Variants in ERCC6L2 observed in about 807,000 individuals in gnomAD.
ERCC6L2 encodes the protein ERCC excision repair 6 like 2, also known as DNA excision repair protein ERCC-6-like 2.
In ERCC6L2, 77 loss-of-function variants were observed where a neutral mutation model predicts 132.0. The observed-to-expected ratio is 0.58, with a 90% CI of 0.49 to 0.71. The LOEUF is 0.71. Among genes scored for constraint, ERCC6L2 ranks in the 30% least tolerant of loss-of-function variants. The pLI is 0.00. For missense variants in ERCC6L2, 1,542 were observed against 1,837.6 expected (o/e 0.84, Z 2.94); for synonymous variants, 583 against 632.4 (o/e 0.92, Z 1.17).
At chr9:95,983,151 CAG>C (rs1252765422) in intron 17 of ERCC6L2, among the ~76,000 whole-genome samples, 1 of 152,168 alleles carries the variant, frequency 6.6e-6, no homozygotes, top group Non-Finnish European at 1.5e-5. Context: ...TAATAGTACT[CAG>C]AATATTTTAG....
intron 1 of ERCC6L2, among the ~76,000 whole-genome samples, chr9:95,878,889 C>G (rs1285780956): frequency 6.6e-6 from 1 of 151,930 alleles, no homozygotes; most frequent in Non-Finnish European, 1.5e-5. Context: ...GCCACATTTT[C>G]TTAATCCAGT....
chr9:95,916,085 C>A (rs1454087361), intron 5 of ERCC6L2, 142 bp from the exon 6 acceptor site: 52 of 849,522 alleles, frequency 6.1e-5, no homozygotes, highest in Non-Finnish European at 8.5e-5. Context: ...CTGAAACTGT[C>A]GTAAAGAAAG....
chr9:95,920,786 A>ATTTTTTTTTTTTTTTTTTTTTTTT (rs1474647284), intron 6 of ERCC6L2, among the ~76,000 whole-genome samples: 1 of 151,752 alleles, frequency 6.6e-6, no homozygotes, highest in Non-Finnish European at 1.5e-5. Context: ...AATTTTCACT[A>ATTTTTTTTTTTTTTTTTTTTTTTT]TTTTTTTTGA....
intron 17 of ERCC6L2, among the ~76,000 whole-genome samples, chr9:95,993,876 G>GT (rs558628026): frequency 6.0e-4 from 92 of 152,166 alleles, no homozygotes; most frequent in Non-Finnish European, 6.3e-4. Flanking sequence ...AAATGCTGTT[G>GT]TTTTTTTCAG....
chr9:95,999,489 G>T (rs1385238211), intron 17 of ERCC6L2, among the ~76,000 whole-genome samples: 7 of 152,190 alleles, frequency 4.6e-5, no homozygotes, highest in Admixed American at 3.9e-4. Flanking sequence ...TCCTAAAGAA[G>T]TTATAAAACC....
chr9:95,938,984 C>A (rs954990336), intron 11 of ERCC6L2, among the ~76,000 whole-genome samples: 1 of 151,478 alleles, frequency 6.6e-6, no homozygotes, highest in African/African-American at 2.4e-5. Flanking sequence ...TGGGTATTTA[C>A]ATTGTACATA....
intron 1 of ERCC6L2, among the ~76,000 whole-genome samples, chr9:95,878,966 C>T (rs546546167): frequency 1.2e-3 from 180 of 150,790 alleles, no homozygotes; most frequent in African/African-American, 4.2e-3. Context: ...AATAAACATA[C>T]GTGTGCATGT....
chr9:95,943,737 T>G (rs1482000759), intron 12 of ERCC6L2, among the ~76,000 whole-genome samples: 1 of 152,174 alleles, frequency 6.6e-6, no homozygotes, highest in East Asian at 1.9e-4. Flanking sequence ...AAGTGGCCAT[T>G]AAGCACATGA....
chr9:96,036,629 T>C (rs1298106852), intron 19 of ERCC6L2, among the ~76,000 whole-genome samples: 2 of 152,196 alleles, frequency 1.3e-5, no homozygotes, highest in Non-Finnish European at 1.5e-5. Flanking sequence ...ACATTTCCAC[T>C]GACAGTGCAC....
chr9:96,039,502 G>A (rs1027140443), intron 20 of ERCC6L2, among the ~76,000 whole-genome samples: 1 of 152,170 alleles, frequency 6.6e-6, no homozygotes, highest in African/African-American at 2.4e-5. Flanking sequence ...AGGGTCAGTA[G>A]AGTCGTGACC....
chr9:95,984,319 A>T (rs939721948), intron 17 of ERCC6L2, among the ~76,000 whole-genome samples: 9 of 149,756 alleles, frequency 6.0e-5, no homozygotes, highest in Non-Finnish European at 7.4e-5. Flanking sequence ...AATATATATT[A>T]TATGTGTATA....
downstream of ERCC6L2, chr9:96,020,565 T>A (rs999210728): frequency 5.6e-6 from 2 of 359,786 alleles, no homozygotes; most frequent in Non-Finnish European, 1.1e-5. Flanking sequence ...TGCTGAGACA[T>A]GTTGGGGTGG....
intron 1 of ERCC6L2, chr9:95,876,477 C>T (rs1024895451): frequency 1.6e-4 from 29 of 178,804 alleles, no homozygotes; most frequent in Admixed American, 3.1e-4. Context: ...TCTTGTATGC[C>T]CCAGTTGTTA....
Position 96,016,028 on chromosome 9 carries a change from A to G in ERCC6L2, c.*2825A>G, listed in dbSNP as rs1834178850. ...TGGAGTGATGGAAAGATTTGGTACA[A>G]CCATTGATGACCTGAGAACAGACAC... On this transcript the variant is annotated 3_prime_UTR_variant, in exon 19 of 19. Coordinates refer to ENST00000653738, the MANE Select transcript of ERCC6L2 (RefSeq NM_020207.7). Among the ~76,000 whole-genome samples the G allele has an allele frequency of 1.3e-5, 2 of 152,148 alleles. No individual in the cohort carries two copies. The highest frequency in any genetic ancestry group is 2.4e-5 in the African/African-American group (1 of 41,434).
At chr9:96,011,878 TAC>T (rs1418764768) in intron 18 of ERCC6L2, among the ~76,000 whole-genome samples, 2 of 152,226 alleles carry the variant, frequency 1.3e-5, no homozygotes, top group Non-Finnish European at 2.9e-5. Flanking sequence ...GATTTTCAAG[TAC>T]AGAGTCTATA....
At chr9:95,932,315 C>T (rs1032852157) in intron 11 of ERCC6L2, among the ~76,000 whole-genome samples, 6 of 152,124 alleles carry the variant, frequency 3.9e-5, no homozygotes, top group South Asian at 2.1e-4. Flanking sequence ...CTACCTGCCT[C>T]GCCCTCCCAC....
chr9:95,969,984 C>T (rs1832339841), intron 14 of ERCC6L2, among the ~76,000 whole-genome samples: 2 of 152,134 alleles, frequency 1.3e-5, no homozygotes, highest in African/African-American at 4.8e-5. Context: ...CTAAATGATA[C>T]ACCAGAAGCT....
At chr9:95,941,133 G>A (rs1830778656) in intron 11 of ERCC6L2, among the ~76,000 whole-genome samples, 2 of 152,028 alleles carry the variant, frequency 1.3e-5, no homozygotes, top group East Asian at 1.9e-4. Context: ...TAGCTAGAAT[G>A]TACTAACACT....
chr9:95,922,755 G>A (rs1157254752), intron 8 of ERCC6L2, among the ~76,000 whole-genome samples: 1 of 152,060 alleles, frequency 6.6e-6, no homozygotes, highest in Non-Finnish European at 1.5e-5. Context: ...AATCTACTGG[G>A]TAAAATGAGG....
Sources: gnomAD v4.1 joint callset for allele counts (sites outside exome capture counted in the v4.1 genomes callset) on GRCh38, gnomAD v4.1.1 for gene constraint, MANE v1.5 for transcripts, NCBI Gene and HGNC (gene_info 2026-07-23, HGNC 2026-07-21) for gene names.